GLIS3: variants seen among roughly 807,000 people sequenced by gnomAD.
The protein encoded by GLIS3 is GLIS family zinc finger 3.
In GLIS3, 53 loss-of-function variants were observed where a neutral mutation model predicts 78.6. That is an observed-to-expected ratio of 0.67 (90% CI 0.54 to 0.85). The LOEUF is 0.85. GLIS3 is among the 40% of genes least tolerant of loss of function. The probability of loss-of-function intolerance (pLI) is 0.00; values close to 1 mark genes in which losing one functional copy is unlikely to be tolerated. For synonymous variants in GLIS3, 684 were observed against 509.9 expected, an observed-to-expected ratio of 1.34 and a Z score of -4.60; for missense variants, 1,703 against 1,231.1, an observed-to-expected ratio of 1.38 and a Z score of -5.74.
At position 4,031,939 on chromosome 9, in the gene GLIS3, G is replaced by A. The variant is rs118129593; in HGVS notation, c.1710+85829C>T. Among the ~76,000 whole-genome samples, 598 of 152,258 alleles carry A rather than the reference G, an allele frequency of 3.9e-3. 5 individuals carry two copies. The highest frequency in any genetic ancestry group is 0.037 in the Middle Eastern group (11 of 294). On this transcript the variant is annotated intron_variant, in intron 4 of 10. Transcript: ENST00000381971. ...GGGCAGGGAGCCTAGACTCTGGCTA[G>A]CCAGGAAAGACCTAGCAGATAGCAA...
At chr9:4,211,494 C>T (rs1371737575) in intron 2 of GLIS3, among the ~76,000 whole-genome samples, 4 of 152,238 alleles carry the variant, frequency 2.6e-5, no homozygotes, top group African/African-American at 4.8e-5. Flanking sequence ...CAGCACACAA[C>T]ACCAGACGGA....
the GLIS3 span, among the ~76,000 whole-genome samples, chr9:4,397,292 TG>T: frequency 6.6e-6 from 1 of 151,128 alleles, no homozygotes; most frequent in African/African-American, 2.4e-5. Context: ...CCCAAAGTGC[TG>T]GGATTACAGG....
chr9:4,405,497 G>A, the GLIS3 span, among the ~76,000 whole-genome samples: 14 of 151,928 alleles, frequency 9.2e-5, no homozygotes, highest in African/African-American at 2.9e-4. Context: ...AAATTCCTAC[G>A]CATATACAAC....
chr9:4,146,417 A>G (rs1834230539), intron 2 of GLIS3, among the ~76,000 whole-genome samples: 2 of 152,192 alleles, frequency 1.3e-5, no homozygotes, highest in South Asian at 2.1e-4. Context: ...CAACAAAAAT[A>G]CCTTTTGGAA....
At chr9:4,249,275 G>C (rs1462069074) in intron 2 of GLIS3, among the ~76,000 whole-genome samples, 1 of 152,106 alleles carries the variant, frequency 6.6e-6, no homozygotes, top group African/African-American at 2.4e-5. Context: ...CCTTCCCTTT[G>C]TTTGTGTCCT....
chr9:4,154,004 G>T (rs12554350), intron 2 of GLIS3, among the ~76,000 whole-genome samples: 34,189 of 152,160 alleles, frequency 0.22, 4,753 homozygotes, highest in South Asian at 0.36. Flanking sequence ...ACACTCCCGT[G>T]CTGCCAGGTG....
At chr9:4,323,259 T>C (rs567205288) in intron 2 of GLIS3, among the ~76,000 whole-genome samples, 1 of 152,354 alleles carries the variant, frequency 6.6e-6, no homozygotes, top group Non-Finnish European at 1.5e-5. Context: ...CAAACTATAC[T>C]CCTGACCTCA....
chr9:4,238,183 G>A (rs1469985813), intron 2 of GLIS3, among the ~76,000 whole-genome samples: 1 of 152,090 alleles, frequency 6.6e-6, no homozygotes, highest in Admixed American at 6.6e-5. Context: ...GCCCCCTCCC[G>A]CTGCGCAAAG....
the GLIS3 span, among the ~76,000 whole-genome samples, chr9:4,466,862 C>T: frequency 8.5e-5 from 13 of 152,184 alleles, no homozygotes; most frequent in Admixed American, 5.9e-4. Context: ...GCAAGGGGGT[C>T]GGGGTATTCC....
chr9:3,973,733 C>G (rs1818558060), intron 4 of GLIS3, among the ~76,000 whole-genome samples: 1 of 152,064 alleles, frequency 6.6e-6, no homozygotes, highest in South Asian at 2.1e-4. Flanking sequence ...AAAATTAAGA[C>G]TATCAAAACC....
At chr9:3,942,631 G>T (rs904295536) in intron 4 of GLIS3, among the ~76,000 whole-genome samples, 10 of 152,204 alleles carry the variant, frequency 6.6e-5, no homozygotes, top group Non-Finnish European at 1.5e-4. Context: ...GAATTCAGCT[G>T]GGATTTAGTT....
the GLIS3 span, among the ~76,000 whole-genome samples, chr9:4,355,795 A>T: frequency 6.6e-6 from 1 of 152,176 alleles, no homozygotes; most frequent in African/African-American, 2.4e-5. Context: ...TTGCACCTAT[A>T]CAATGATGAA....
intron 4 of GLIS3, among the ~76,000 whole-genome samples, chr9:3,949,761 A>C (rs1194907392): frequency 6.6e-6 from 1 of 152,194 alleles, no homozygotes; most frequent in Non-Finnish European, 1.5e-5. Context: ...ATATTTGCCT[A>C]AATATTTATT....
chr9:3,920,313 G>T (rs1001682603), intron 6 of GLIS3, among the ~76,000 whole-genome samples: 1 of 152,148 alleles, frequency 6.6e-6, no homozygotes, highest in Non-Finnish European at 1.5e-5. Flanking sequence ...ATTACTGACT[G>T]TTTTAAATAT....
At position 4,286,434 on chromosome 9, in the gene GLIS3, AC is replaced by A. The variant is rs753324618; in HGVS notation, c.-10del. Reference sequence around the variant, plus strand: ...CATGATCTTCCATTCATTCTGAAAAACCTGTGGCCAAGACGGTCAAATATCC... The same window carrying A: ...CATGATCTTCCATTCATTCTGAAAAACTGTGGCCAAGACGGTCAAATATCC... On this transcript the variant is annotated 5_prime_UTR_variant, in exon 2 of 11. Coordinates refer to ENST00000381971, the MANE Select transcript of GLIS3 (RefSeq NM_001042413.2). The A allele has an allele frequency of 6.2e-7, 1 of 1,613,546 alleles. No individual in the cohort carries two copies. Among genetic ancestry groups the A allele is most frequent in the South Asian group, 1.1e-5 (1 of 91,050 alleles).
chr9:4,237,360 T>A (rs1213380686), intron 2 of GLIS3, among the ~76,000 whole-genome samples: 1 of 152,168 alleles, frequency 6.6e-6, no homozygotes, highest in Non-Finnish European at 1.5e-5. Flanking sequence ...ATGGCAACTT[T>A]ACATTAACTG....
Position 3,921,891 on chromosome 9 carries a change from T to C in GLIS3, c.1983+10469A>G, listed in dbSNP as rs559673861. On this transcript the variant is annotated intron_variant, in intron 6 of 10. Transcript: ENST00000381971. ...CAGCAATCTAAGAACTGTATATCAATAGTTCATCTATTATTCATCCATCAT... is the reference window on the plus strand; with the variant it reads ...CAGCAATCTAAGAACTGTATATCAACAGTTCATCTATTATTCATCCATCAT... 2.5e-3 allele frequency among the ~76,000 whole-genome samples: 380 copies of C among 151,206 alleles called. 2 individuals carry two copies. Among genetic ancestry groups the C allele is most frequent in the African/African-American group, 8.8e-3 (363 of 41,098 alleles).
intron 2 of GLIS3, among the ~76,000 whole-genome samples, chr9:4,205,740 A>G (rs1385453963): frequency 6.6e-6 from 1 of 152,238 alleles, no homozygotes; most frequent in Non-Finnish European, 1.5e-5. Context: ...ATTCTCCATG[A>G]TTGTTTAAGC....
intron 2 of GLIS3, among the ~76,000 whole-genome samples, chr9:4,200,073 T>A (rs1240405826): frequency 6.6e-6 from 1 of 152,028 alleles, no homozygotes; most frequent in African/African-American, 2.4e-5. Flanking sequence ...AACAATAAAA[T>A]TAAGGCAGAA....
Sources: gnomAD v4.1 joint callset for allele counts (sites outside exome capture counted in the v4.1 genomes callset) on GRCh38, gnomAD v4.1.1 for gene constraint, MANE v1.5 for transcripts, NCBI Gene and HGNC (gene_info 2026-07-23, HGNC 2026-07-21) for gene names.